Variants in TPRG1 observed in about 807,000 individuals in gnomAD.
The protein encoded by TPRG1 is tumor protein p63-regulated gene 1 protein.
Under a neutral mutation model 29.3 loss-of-function variants are expected in TPRG1, and 29 were observed. That is an observed-to-expected ratio of 0.99 (90% CI 0.74 to 1.35). The LOEUF is 1.35. Ranked by LOEUF, TPRG1 falls within the 40% of genes most tolerant of loss-of-function variation. The pLI, the probability that TPRG1 is intolerant of heterozygous loss-of-function variation, is 0.00. For synonymous variants in TPRG1, 130 were observed against 116.8 expected (o/e 1.11, Z -0.73); for missense variants, 327 against 335.0 (o/e 0.98, Z 0.19).
intron 4 of TPRG1, among the ~76,000 whole-genome samples, chr3:189,070,897 T>C (rs1490895037): frequency 1.3e-5 from 2 of 152,002 alleles, no homozygotes; most frequent in African/African-American, 4.8e-5. Context: ...CAGTCCAAGA[T>C]AGAGGCCACA....
chr3:189,123,052 G>C (rs1326520428), intron 1 of TPRG1, among the ~76,000 whole-genome samples: 1 of 152,192 alleles, frequency 6.6e-6, no homozygotes, highest in Admixed American at 6.5e-5. Context: ...GAGTGAGCTT[G>C]CCTTCTCACT....
At chr3:189,197,959 C>A (rs190551166) in intron 1 of TPRG1, among the ~76,000 whole-genome samples, 79 of 152,116 alleles carry the variant, frequency 5.2e-4, no homozygotes, top group African/African-American at 1.8e-3. Flanking sequence ...AGTGCCAAGG[C>A]CAGAATGTGT....
chr3:189,056,024 C>T (rs1029506434), intron 4 of TPRG1, among the ~76,000 whole-genome samples: 5 of 105,446 alleles, frequency 4.7e-5, no homozygotes, highest in Non-Finnish European at 9.2e-5. Context: ...CCCTCCCTTC[C>T]CTCCCTCCCT....
At chr3:189,071,158 G>T (rs1716792601) in intron 4 of TPRG1, among the ~76,000 whole-genome samples, 1 of 151,996 alleles carries the variant, frequency 6.6e-6, no homozygotes, top group Admixed American at 6.6e-5. Flanking sequence ...CACCAGGGCA[G>T]AGAATCCTGT....
intron 3 of TPRG1, among the ~76,000 whole-genome samples, chr3:189,135,447 A>G (rs529191407): frequency 1.3e-5 from 2 of 152,296 alleles, no homozygotes; most frequent in East Asian, 1.9e-4. Flanking sequence ...TGGCATTGCT[A>G]TCTATTTAGT....
At chr3:189,006,700 A>G (rs1230040972) in intron 3 of TPRG1, among the ~76,000 whole-genome samples, 1 of 152,112 alleles carries the variant, frequency 6.6e-6, no homozygotes, top group East Asian at 1.9e-4. Flanking sequence ...CACAATCATT[A>G]CAGTCCCAGT....
At chr3:189,215,460 G>T in intron 3 of TPRG1, 77 bp downstream of exon 3, 1 of 1,180,354 alleles carries the variant, frequency 8.5e-7, no homozygotes, top group Non-Finnish European at 1.2e-6. Flanking sequence ...AATAGGAGAT[G>T]GACCTGTGGT....
intron 3 of TPRG1, chr3:189,217,934 C>T (rs941161079): frequency 5.1e-6 from 5 of 985,230 alleles, no homozygotes; most frequent in Non-Finnish European, 6.0e-6. Flanking sequence ...AACAAAAATC[C>T]CAACTCCCCC....
intron 1 of TPRG1, among the ~76,000 whole-genome samples, chr3:189,188,328 C>G (rs922293120): frequency 2.6e-5 from 4 of 152,154 alleles, no homozygotes; most frequent in Non-Finnish European, 5.9e-5. Flanking sequence ...GCTATGACTT[C>G]TAGCCCATTT....
At chr3:189,301,689 C>T (rs1352184151) in intron 4 of TPRG1, among the ~76,000 whole-genome samples, 1 of 152,188 alleles carries the variant, frequency 6.6e-6, no homozygotes, top group African/African-American at 2.4e-5. Flanking sequence ...ATAGCAAGGC[C>T]CAGCCCCACT....
intron 3 of TPRG1, among the ~76,000 whole-genome samples, chr3:189,223,611 A>G (rs1214355242): frequency 1.3e-5 from 2 of 152,176 alleles, no homozygotes; most frequent in African/African-American, 4.8e-5. Flanking sequence ...GACTGCTACC[A>G]ATTAGGGAGG....
At chr3:189,314,663 C>A (rs996747246) in intron 5 of TPRG1, among the ~76,000 whole-genome samples, 1 of 149,662 alleles carries the variant, frequency 6.7e-6, no homozygotes, top group Non-Finnish European at 1.5e-5. Flanking sequence ...AAAATAGTAG[C>A]TTTTTGGCAC....
At chr3:189,197,479 G>C (rs568180624) in intron 1 of TPRG1, among the ~76,000 whole-genome samples, 61 of 152,178 alleles carry the variant, frequency 4.0e-4, no homozygotes, top group African/African-American at 1.3e-3. Flanking sequence ...CCACTTTTCT[G>C]TCCCTTTTCT....
intron 2 of TPRG1, among the ~76,000 whole-genome samples, chr3:189,211,030 T>C (rs1735182196): frequency 6.6e-6 from 1 of 152,168 alleles, no homozygotes; most frequent in South Asian, 2.1e-4. Flanking sequence ...ATAAAGATTA[T>C]CACTGCCCAA....
At chr3:189,042,921 A>G (rs76552788) in intron 4 of TPRG1, among the ~76,000 whole-genome samples, 2,853 of 152,252 alleles carry the variant, frequency 0.019, 91 homozygotes, top group African/African-American at 0.065. Context: ...TCTCAACCCA[A>G]AGACCTCCAT....
At chr3:189,234,636 A>G (rs1285538567) in intron 3 of TPRG1, among the ~76,000 whole-genome samples, 1 of 152,218 alleles carries the variant, frequency 6.6e-6, no homozygotes, top group Non-Finnish European at 1.5e-5. Flanking sequence ...ACCAAGGCAT[A>G]TAGGTTGTGC....
chr3:189,176,577 A>G (rs911214885), intron 1 of TPRG1, among the ~76,000 whole-genome samples: 2 of 152,232 alleles, frequency 1.3e-5, no homozygotes, highest in Non-Finnish European at 2.9e-5. Flanking sequence ...GAGAAAGAGG[A>G]TAGAAAGTTA....
At chr3:189,062,813 A>G (rs1463423943) in intron 4 of TPRG1, among the ~76,000 whole-genome samples, 1 of 152,146 alleles carries the variant, frequency 6.6e-6, no homozygotes, top group East Asian at 1.9e-4. Flanking sequence ...AATAATAAGA[A>G]ATTTTCATAT....
At position 189,320,866 on chromosome 3, in the gene TPRG1, T is replaced by G; in HGVS notation, c.*46T>G. On this transcript the variant is annotated 3_prime_UTR_variant, in exon 6 of 6. Coordinates refer to ENST00000345063, the MANE Select transcript of TPRG1 (RefSeq NM_198485.4). ...GCATATCATCCACAGATATGTCACTTTGAAAATTCCAGTTTGACCCACGCT... is the reference window on the plus strand; with the variant it reads ...GCATATCATCCACAGATATGTCACTGTGAAAATTCCAGTTTGACCCACGCT... The G allele has an allele frequency of 7.1e-7, 1 of 1,407,952 alleles. No individual in the cohort carries two copies. Among genetic ancestry groups the G allele is most frequent in the Non-Finnish European group, 9.4e-7 (1 of 1,062,490 alleles). The allele number at this position is 1,407,952 out of a possible 1,614,324, so 87.2% of individuals were successfully genotyped here. A position where few individuals can be genotyped will look rare whatever the true frequency, so the allele number is the denominator to read the frequency against.
Sources: allele counts gnomAD v4.1 joint callset (sites outside exome capture counted in the v4.1 genomes callset), GRCh38; gene constraint gnomAD v4.1.1; transcripts MANE v1.5; gene names NCBI Gene and HGNC (gene_info 2026-07-23, HGNC 2026-07-21).